The following ARHGAP42 variants were observed in gnomAD, a reference collection of about 807,000 sequenced individuals.
ARHGAP42 encodes the protein rho GTPase-activating protein 42.
ARHGAP42 carries 63 observed loss-of-function variants against 125.0 expected under a neutral mutation model. The ratio of observed to expected loss-of-function variants is 0.50; its 90% confidence interval spans 0.41 to 0.62. The LOEUF is 0.62. Among genes scored for constraint, ARHGAP42 ranks in the 20% least tolerant of loss-of-function variants. ARHGAP42 has a pLI of 0.00. For missense variants in ARHGAP42, 766 were observed against 1,024.2 expected, an observed-to-expected ratio of 0.75 and a Z score of 3.44; for synonymous variants, 339 against 351.0, an observed-to-expected ratio of 0.97 and a Z score of 0.38.
chr11:100,697,392 C>T (rs1374831528), intron 1 of ARHGAP42, among the ~76,000 whole-genome samples: 2 of 152,098 alleles, frequency 1.3e-5, no homozygotes, highest in African/African-American at 2.4e-5. Context: ...CCGTGTTAGC[C>T]AGGATGGTCT....
chr11:100,958,919 T>C (rs1452528007), intron 12 of ARHGAP42, among the ~76,000 whole-genome samples: 2 of 54,096 alleles, frequency 3.7e-5, no homozygotes, highest in East Asian at 1.3e-3. Context: ...CCTTTCTTGA[T>C]TTTTATCATA....
intron 3 of ARHGAP42, among the ~76,000 whole-genome samples, chr11:100,846,823 A>T (rs1865077502): frequency 6.6e-6 from 1 of 152,144 alleles, no homozygotes; most frequent in South Asian, 2.1e-4. Flanking sequence ...GGTTTAAAAA[A>T]TGAGTAAGAG....
At chr11:100,700,695 C>A (rs1049650872) in intron 1 of ARHGAP42, among the ~76,000 whole-genome samples, 1 of 152,224 alleles carries the variant, frequency 6.6e-6, no homozygotes, top group East Asian at 1.9e-4. Flanking sequence ...TCAGTCACAT[C>A]TTTAGGCTCT....
At chr11:100,773,241 A>G (rs569840461) in intron 2 of ARHGAP42, among the ~76,000 whole-genome samples, 1 of 152,234 alleles carries the variant, frequency 6.6e-6, no homozygotes, top group East Asian at 1.9e-4. Context: ...CTAATAGTAG[A>G]CCCTCAGATA....
intron 3 of ARHGAP42, among the ~76,000 whole-genome samples, chr11:100,835,864 T>A (rs866369488): frequency 1.3e-5 from 2 of 152,140 alleles, no homozygotes; most frequent in South Asian, 4.1e-4. Flanking sequence ...CAGGAATAAA[T>A]CTGACTTTGA....
chr11:100,813,960 C>T (rs193115071), intron 3 of ARHGAP42, among the ~76,000 whole-genome samples: 5 of 152,082 alleles, frequency 3.3e-5, no homozygotes, highest in African/African-American at 4.8e-5. Context: ...TTTGGGAGGG[C>T]GAAGCAGGTG....
chr11:100,963,349 A>G, intron 16 of ARHGAP42, among the ~76,000 whole-genome samples: 1 of 152,218 alleles, frequency 6.6e-6, no homozygotes, highest in East Asian at 1.9e-4. Context: ...GAAGTTAGTA[A>G]CGTGTATTTG....
chr11:100,973,654 T>A (rs1287546474), intron 18 of ARHGAP42, among the ~76,000 whole-genome samples: 2 of 152,152 alleles, frequency 1.3e-5, no homozygotes, highest in Non-Finnish European at 2.9e-5. Context: ...GAAATCAAAC[T>A]CTTAATTATA....
At chr11:100,705,691 A>G (rs1017516758) in intron 1 of ARHGAP42, among the ~76,000 whole-genome samples, 2 of 152,180 alleles carry the variant, frequency 1.3e-5, no homozygotes, top group African/African-American at 4.8e-5. Context: ...TTTCTAAGCA[A>G]TATCTTTACC....
In ARHGAP42 at chr11:100,936,277, C is replaced by T; in HGVS notation, c.777C>T (p.Asp259=). 2 of 1,551,592 alleles carry T rather than the reference C, an allele frequency of 1.3e-6. No individual in the cohort carries two copies. Among genetic ancestry groups the T allele is most frequent in the Non-Finnish European group, 1.7e-6 (2 of 1,146,914 alleles). The change falls in exon 8 of 24, where the codon GAC becomes GAT. Residue 259 remains aspartate, a synonymous_variant. Coordinates refer to ENST00000298815, the MANE Select transcript of ARHGAP42 (RefSeq NM_152432.4). The part of the protein sequence containing the change: ...LMQRMKSANQ[D]YRPPSQWTME... The stretch of plus-strand genomic sequence containing the variant: ...AAAGGATGAAATCTGCTAACCAGGA[C>T]TACAGACCACCCAGCCAGTGGACGA...
intron 4 of ARHGAP42, among the ~76,000 whole-genome samples, chr11:100,903,709 A>AAAAAAAAAAAAAAAATAT (rs1332890022): frequency 1.6e-5 from 1 of 63,496 alleles, no homozygotes; most frequent in Non-Finnish European, 3.0e-5. Context: ...TGTCCCTCAA[A>AAAAAAAAAAAAAAAATAT]ATATATATAT....
chr11:100,992,220 T>A lies in ARHGAP42; in HGVS notation c.*3419T>A, dbSNP rs113121016. ...GCATTTAGAACCCCAACTAGACTTA[T>A]ACTTTGACTAAAGTCAGAGGCAGAC... On this transcript the variant is annotated 3_prime_UTR_variant, in exon 24 of 24. Transcript: ENST00000298815. The A allele has an allele frequency of 4.9e-6, 7 of 1,420,922 alleles. No individual in the cohort carries two copies. The African/African-American group carries it at 7.2e-5, about 15-fold the overall frequency. 88.0% of individuals were successfully genotyped at this position (1,420,922 alleles called of 1,614,324 possible). A position where few individuals can be genotyped will look rare whatever the true frequency, so the allele number is the denominator to read the frequency against.
intron 2 of ARHGAP42, among the ~76,000 whole-genome samples, chr11:100,773,523 C>A (rs10501983): frequency 0.01 from 1,531 of 152,258 alleles, 21 homozygotes; most frequent in African/African-American, 0.035. Flanking sequence ...GTTAAGAGTA[C>A]AGAAAACATC....
chr11:100,920,209 T>G (rs1294942485), intron 5 of ARHGAP42, among the ~76,000 whole-genome samples: 9 of 152,200 alleles, frequency 5.9e-5, no homozygotes, highest in Admixed American at 5.9e-4. Context: ...TACTCAACTT[T>G]AAACGTCTCT....
At chr11:100,827,507 A>G (rs1373463113) in intron 3 of ARHGAP42, among the ~76,000 whole-genome samples, 1 of 152,182 alleles carries the variant, frequency 6.6e-6, no homozygotes, top group African/African-American at 2.4e-5. Flanking sequence ...CATGGATCCC[A>G]AGGGCCTGTT....
chr11:100,779,029 G>A (rs1467048352), intron 2 of ARHGAP42, among the ~76,000 whole-genome samples: 2 of 152,058 alleles, frequency 1.3e-5, no homozygotes. Context: ...GTACTTTAGA[G>A]CTTTATTTGT....
intron 3 of ARHGAP42, among the ~76,000 whole-genome samples, chr11:100,817,872 G>T (rs1356605948): frequency 6.6e-6 from 1 of 152,162 alleles, no homozygotes. Flanking sequence ...ACAGGGCATT[G>T]CGTGAAGTGT....
At chr11:100,877,839 C>T (rs1473787072) in intron 4 of ARHGAP42, among the ~76,000 whole-genome samples, 2 of 151,698 alleles carry the variant, frequency 1.3e-5, no homozygotes. Flanking sequence ...ACCCCGTCTC[C>T]AGTAAAAATA....
At chr11:100,903,514 A>C (rs1866620369) in intron 4 of ARHGAP42, among the ~76,000 whole-genome samples, 1 of 151,422 alleles carries the variant, frequency 6.6e-6, no homozygotes, top group Non-Finnish European at 1.5e-5. Context: ...TCTGGTATGC[A>C]GAATTATGTA....
Sources: allele counts gnomAD v4.1 joint callset (sites outside exome capture counted in the v4.1 genomes callset), GRCh38; gene constraint gnomAD v4.1.1; transcripts MANE v1.5; gene names NCBI Gene and HGNC (gene_info 2026-07-23, HGNC 2026-07-21).